CLSTN1: variants seen among roughly 807,000 people sequenced by gnomAD.
CLSTN1 encodes the protein calsyntenin-1.
CLSTN1 carries 28 observed loss-of-function variants against 108.3 expected under a neutral mutation model. The observed-to-expected ratio is 0.26, with a 90% CI of 0.19 to 0.35. The LOEUF (loss-of-function observed/expected upper bound fraction) is 0.35. CLSTN1 is among the 10% of genes least tolerant of loss of function. CLSTN1 has a pLI of 1.00. For synonymous variants in CLSTN1, 524 were observed against 534.9 expected, an observed-to-expected ratio of 0.98 and a Z score of 0.28; for missense variants, 1,157 against 1,302.6, an observed-to-expected ratio of 0.89 and a Z score of 1.72.
intron 1 of CLSTN1, among the ~76,000 whole-genome samples, chr1:9,814,151 T>TGTA (rs1226194503): frequency 6.6e-6 from 1 of 151,366 alleles, no homozygotes; most frequent in Non-Finnish European, 1.5e-5. Context: ...GGCTCATGCT[T>TGTA]GTAATCCTAG....
intron 1 of CLSTN1, among the ~76,000 whole-genome samples, chr1:9,785,454 C>CAT (rs1653442772): frequency 2.0e-5 from 3 of 152,226 alleles, no homozygotes; most frequent in Middle Eastern, 3.4e-3. Context: ...ACACCAAATA[C>CAT]ATAGCTTAGA....
chr1:9,757,089 T>C (rs1197802643), intron 2 of CLSTN1, among the ~76,000 whole-genome samples: 1 of 151,898 alleles, frequency 6.6e-6, no homozygotes, highest in African/African-American at 2.4e-5. Flanking sequence ...GATTTTTCTT[T>C]TAATGAACAC....
chr1:9,731,405 G>A lies in CLSTN1; in HGVS notation c.2564-15C>T, dbSNP rs1486973625. 3.1e-6 allele frequency: 5 copies of A among 1,596,880 alleles called. No homozygotes were observed. The East Asian group carries it at 1.2e-4, about 39-fold the overall frequency. On this transcript the variant is annotated splice_polypyrimidine_tract_variant and intron_variant, in intron 17 of 18. Coordinates refer to ENST00000377298, the MANE Select transcript of CLSTN1 (RefSeq NM_001009566.3). ...GCTGGGGACGACTGTGGGAGAATGA[G>A]GGGGCGGGATGCGAGGTCACTCGGC... is the stretch of plus-strand genomic sequence containing the variant.
At chr1:9,815,357 A>G (rs950472813) in intron 1 of CLSTN1, among the ~76,000 whole-genome samples, 1 of 152,212 alleles carries the variant, frequency 6.6e-6, no homozygotes, top group Non-Finnish European at 1.5e-5. Flanking sequence ...TTTACAGGGA[A>G]GGCTATTTAA....
chr1:9,784,820 C>T (rs1258676287), intron 1 of CLSTN1, among the ~76,000 whole-genome samples: 2 of 152,092 alleles, frequency 1.3e-5, no homozygotes, highest in African/African-American at 4.8e-5. Flanking sequence ...CTAGTAGGCC[C>T]TTGTTAAAGA....
At chr1:9,731,010 A>T in intron 18 of CLSTN1, 196 bp downstream of exon 18, 2 of 668,438 alleles carry the variant, frequency 3.0e-6, no homozygotes, top group Non-Finnish European at 5.1e-6. Context: ...GCTCTTCTCT[A>T]CACTTAAGGC....
chr1:9,796,923 G>A (rs1223781194), intron 1 of CLSTN1, among the ~76,000 whole-genome samples: 1 of 152,164 alleles, frequency 6.6e-6, no homozygotes, highest in East Asian at 1.9e-4. Context: ...GCAGAGTGGA[G>A]AGTCAGATAC....
chr1:9,765,581 A>C (rs1652287820), intron 2 of CLSTN1, among the ~76,000 whole-genome samples: 1 of 151,318 alleles, frequency 6.6e-6, no homozygotes, highest in African/African-American at 2.4e-5. Flanking sequence ...ATCTCAAAAA[A>C]AGAAAAAAAA....
chr1:9,821,698 CAT>C (rs1192328223), intron 1 of CLSTN1, among the ~76,000 whole-genome samples: 19 of 152,136 alleles, frequency 1.2e-4, no homozygotes, highest in African/African-American at 4.1e-4. Flanking sequence ...TGTAAATTTA[CAT>C]ATGAAATTCA....
At chr1:9,796,642 C>G in intron 1 of CLSTN1, among the ~76,000 whole-genome samples, 1 of 151,888 alleles carries the variant, frequency 6.6e-6, no homozygotes. Context: ...CAAGATCACG[C>G]CACTGCACTC....
Position 9,777,217 on chromosome 1 carries a change from C to CAAAAAAA in CLSTN1, c.92-3830_92-3824dup, listed in dbSNP as rs1183664020. Among the ~76,000 whole-genome samples, 12 of 51,160 alleles carry CAAAAAAA rather than the reference C, an allele frequency of 2.3e-4. No individual in the cohort carries two copies. In the East Asian group the frequency reaches 4.6e-3, roughly 19 times the overall value. The allele number at this position is 51,160 out of a possible 152,430, so 33.6% of individuals were successfully genotyped here. A position where few individuals can be genotyped will look rare whatever the true frequency, so the allele number is the denominator to read the frequency against. On this transcript the variant is annotated intron_variant, in intron 1 of 18. Transcript: ENST00000377298. ...CCTGGGCGACAGAGCGAGACTGTCTCAAAAAAAAAAAAAAAAAAAAGCCTG... is the reference window on the plus strand; with the variant it reads ...CCTGGGCGACAGAGCGAGACTGTCTCAAAAAAAAAAAAAAAAAAAAAAAAAAAGCCTG...
chr1:9,777,699 C>G (rs1014367939), intron 1 of CLSTN1, among the ~76,000 whole-genome samples: 1 of 152,078 alleles, frequency 6.6e-6, no homozygotes, highest in Non-Finnish European at 1.5e-5. Context: ...TTGTTGTCCA[C>G]CTTCACAGAA....
At chr1:9,797,535 G>T (rs1248321491) in intron 1 of CLSTN1, among the ~76,000 whole-genome samples, 4 of 152,084 alleles carry the variant, frequency 2.6e-5, no homozygotes, top group Non-Finnish European at 4.4e-5. Flanking sequence ...CATCTACTTG[G>T]GAGGCTCAGG....
chr1:9,744,334 C>T (rs1200630054), intron 8 of CLSTN1, 61 bp downstream of exon 8: 17 of 1,542,296 alleles, frequency 1.1e-5, no homozygotes, highest in Admixed American at 1.9e-5. Context: ...GGGAGCCTGC[C>T]GCTGGCACCC....
intron 5 of CLSTN1, among the ~76,000 whole-genome samples, chr1:9,750,952 C>G (rs1227713736): frequency 6.6e-6 from 1 of 151,914 alleles, no homozygotes; most frequent in African/African-American, 2.4e-5. Flanking sequence ...GTAATCCCAG[C>G]TACTCGAGAG....
intron 13 of CLSTN1, 85 bp from the exon 14 acceptor site, chr1:9,735,259 C>T (rs1557690301): frequency 1.4e-6 from 2 of 1,476,698 alleles, no homozygotes; most frequent in Admixed American, 1.7e-5. Context: ...AGGTGGGATA[C>T]AGAGGCCCCC....
At chr1:9,795,231 T>C (rs1298934123) in intron 1 of CLSTN1, among the ~76,000 whole-genome samples, 1 of 150,742 alleles carries the variant, frequency 6.6e-6, no homozygotes, top group Non-Finnish European at 1.5e-5. Flanking sequence ...AGTGGCCCGA[T>C]CTCGGCTCAC....
chr1:9,732,724 T>G (rs1267752176), intron 16 of CLSTN1, among the ~76,000 whole-genome samples: 1 of 152,200 alleles, frequency 6.6e-6, no homozygotes, highest in Non-Finnish European at 1.5e-5. Flanking sequence ...CCCTCTAGCC[T>G]GTGTGGCCTG....
At position 9,730,344 on chromosome 1, in the gene CLSTN1, G is replaced by A; in HGVS notation, c.*164C>T. The stretch of plus-strand genomic sequence containing the variant: ...GCGCGACCAGGCAGAGGGTGGGCGG[G>A]GAGCCTAGGGTCCTACACACCAAGC... On this transcript the variant is annotated 3_prime_UTR_variant, in exon 19 of 19. Coordinates refer to ENST00000377298, the MANE Select transcript of CLSTN1 (RefSeq NM_001009566.3). The surrounding 1 kb of genome is among the most constrained non-coding windows in gnomAD (Gnocchi z 5.6). 1.4e-6 allele frequency: 1 copy of A among 694,464 alleles called. No individual in the cohort carries two copies. Among genetic ancestry groups the A allele is most frequent in the Non-Finnish European group, 2.6e-6 (1 of 391,264 alleles). 43.0% of individuals were successfully genotyped at this position (694,464 alleles called of 1,614,324 possible). A position where few individuals can be genotyped will look rare whatever the true frequency, so the allele number is the denominator to read the frequency against.
Sources: gnomAD v4.1 joint callset for allele counts (sites outside exome capture counted in the v4.1 genomes callset) on GRCh38, gnomAD v4.1.1 for gene constraint, Gnocchi (gnomAD v3.1) non-coding constraint, MANE v1.5 for transcripts, NCBI Gene and HGNC (gene_info 2026-07-23, HGNC 2026-07-21) for gene names.